RBBP8: variants seen among roughly 807,000 people sequenced by gnomAD.
The protein encoded by RBBP8 is RB binding protein 8, endonuclease, also known as DNA endonuclease RBBP8.
RBBP8 carries 88 observed loss-of-function variants against 108.3 expected under a neutral mutation model. That is an observed-to-expected ratio of 0.81 (90% CI 0.68 to 0.97). The LOEUF (loss-of-function observed/expected upper bound fraction) is 0.97. Among genes scored for constraint, RBBP8 ranks in the 50% least tolerant of loss-of-function variants. The pLI is 0.00. For missense variants in RBBP8, 1,023 were observed against 1,049.0 expected, an observed-to-expected ratio of 0.98 and a Z score of 0.34; for synonymous variants, 332 against 348.2, an observed-to-expected ratio of 0.95 and a Z score of 0.52.
chr18:22,920,842 T>C (rs1598619211), intron 3 of RBBP8: 2 of 152,168 alleles, frequency 1.3e-5, no homozygotes, highest in East Asian at 3.8e-4. Context: ...TGGTAGATCC[T>C]AGGAGAGCAG....
At position 22,990,438 on chromosome 18, in the gene RBBP8, A is replaced by G. The variant is rs79666767; in HGVS notation, c.808-499A>G. Among the ~76,000 whole-genome samples the G allele has an allele frequency of 7.6e-3, 1,151 of 152,266 alleles. 12 individuals carry two copies. The highest frequency in any genetic ancestry group is 0.026 in the African/African-American group (1,097 of 41,552). ...CCTCATCTTAATGTTGTTTTTTGGA[A>G]TTGGAGTTTTATATACAAGGAGTAG... On this transcript the variant is annotated intron_variant, in intron 9 of 18. Coordinates refer to ENST00000327155, the MANE Select transcript of RBBP8 (RefSeq NM_002894.3).
chr18:22,925,504 A>C (rs531027865), intron 3 of RBBP8, among the ~76,000 whole-genome samples: 1 of 152,366 alleles, frequency 6.6e-6, no homozygotes, highest in East Asian at 1.9e-4. Flanking sequence ...TAAAGACCAA[A>C]AAAAGACAGT....
chr18:23,013,539 A>G (rs1459080285), intron 16 of RBBP8, among the ~76,000 whole-genome samples: 1 of 152,214 alleles, frequency 6.6e-6, no homozygotes, highest in African/African-American at 2.4e-5. Context: ...AATTGAGGTT[A>G]GAAATCCCAT....
intron 9 of RBBP8, among the ~76,000 whole-genome samples, chr18:22,990,703 T>C (rs1265672887): frequency 6.6e-6 from 1 of 152,198 alleles, no homozygotes; most frequent in Admixed American, 6.5e-5. Context: ...CCTCCCCTCA[T>C]TCTTCCACCT....
intron 15 of RBBP8, among the ~76,000 whole-genome samples, chr18:23,005,014 T>C (rs1187334988): frequency 2.0e-5 from 3 of 151,944 alleles, no homozygotes; most frequent in African/African-American, 4.8e-5. Context: ...TACAAAACAT[T>C]AGCCGGGTGT....
At position 22,972,797 on chromosome 18, in the gene RBBP8, G is replaced by A. The variant is rs374567233; in HGVS notation, c.362-2356G>A. Among the ~76,000 whole-genome samples, 725 of 152,158 alleles carry A rather than the reference G, an allele frequency of 4.8e-3. 3 individuals carry two copies. The highest frequency in any genetic ancestry group is 0.017 in the African/African-American group (699 of 41,510). ...TTCTGTATAGTTTTGGGGTTTTTTA[G>A]CCCTACAAGCTAGATATTTTTTTAA... On this transcript the variant is annotated intron_variant, in intron 5 of 18. Coordinates refer to ENST00000327155, the MANE Select transcript of RBBP8 (RefSeq NM_002894.3).
At position 22,947,147 on chromosome 18, in the gene RBBP8, A is replaced by G. The variant is rs77958156; in HGVS notation, c.152+661A>G. ...CTGAGAAATTTAGAAATTCTGGAAT[A>G]TAGACTATTCACCTTCAGATAAACT... On this transcript the variant is annotated intron_variant, in intron 3 of 18. Transcript: ENST00000327155. Among the ~76,000 whole-genome samples, 258 of 152,254 alleles carry G rather than the reference A, an allele frequency of 1.7e-3. 2 individuals carry two copies. The highest frequency in any genetic ancestry group is 5.9e-3 in the African/African-American group (245 of 41,570).
At chr18:23,018,897 A>G (rs749950702) in intron 17 of RBBP8, among the ~76,000 whole-genome samples, 1 of 152,182 alleles carries the variant, frequency 6.6e-6, no homozygotes, top group Admixed American at 6.5e-5. Flanking sequence ...GCCCTCAGCA[A>G]TTTACTTCCC....
chr18:23,008,545 G>C (rs780037289), intron 16 of RBBP8, among the ~76,000 whole-genome samples: 111 of 152,162 alleles, frequency 7.3e-4, no homozygotes, highest in South Asian at 1.2e-3. Context: ...ATTATCCTTA[G>C]AGATACCCAG....
intron 16 of RBBP8, among the ~76,000 whole-genome samples, chr18:23,009,525 TTA>T (rs535005317): frequency 5.4e-5 from 8 of 148,176 alleles, no homozygotes; most frequent in South Asian, 2.1e-4. Context: ...ATAATGTATT[TTA>T]TATATATATA....
intron 8 of RBBP8, among the ~76,000 whole-genome samples, chr18:22,988,512 T>C (rs1411555671): frequency 6.6e-6 from 1 of 152,208 alleles, no homozygotes; most frequent in Admixed American, 6.5e-5. Context: ...CTTCCTTCTC[T>C]CGAGTCAGCT....
upstream of RBBP8, among the ~76,000 whole-genome samples, chr18:22,929,678 G>A (rs960173513): frequency 2.0e-5 from 3 of 151,962 alleles, no homozygotes; most frequent in African/African-American, 4.8e-5. Context: ...CACCCTATCT[G>A]GCCTCAGGTT....
At chr18:22,936,726 T>C (rs901258373) in intron 1 of RBBP8, 28 bp from the exon 2 acceptor site, 3 of 1,041,760 alleles carry the variant, frequency 2.9e-6, no homozygotes, top group Non-Finnish European at 4.4e-6. Context: ...AATGCAAAGT[T>C]CATTTATGTT....
chr18:22,997,859 A>C, intron 14 of RBBP8, 125 bp downstream of exon 14: 3 of 726,098 alleles, frequency 4.1e-6, no homozygotes, highest in Non-Finnish European at 7.5e-6. Context: ...TGCTCTGTTA[A>C]CTTTATGTTC....
intron 6 of RBBP8, among the ~76,000 whole-genome samples, chr18:22,978,949 A>G (rs142550668): frequency 1.0e-3 from 158 of 152,346 alleles, no homozygotes; most frequent in African/African-American, 3.5e-3. Flanking sequence ...CCCAGTAAGT[A>G]GATACAATTA....
intron 17 of RBBP8, among the ~76,000 whole-genome samples, chr18:23,017,202 A>G (rs2046271385): frequency 1.3e-5 from 2 of 151,872 alleles, no homozygotes; most frequent in South Asian, 4.2e-4. Flanking sequence ...TAAAAATACA[A>G]AAGTAAGCTG....
At position 22,992,499 on chromosome 18, in the gene RBBP8, G is replaced by T. The variant is rs1006122307; in HGVS notation, c.921-249G>T. ...GCATGAGCCACTGCGCCTGGCAAAAGATGATTTTTTGTATAATAAAGTTAT... is the reference window on the plus strand; with the variant it reads ...GCATGAGCCACTGCGCCTGGCAAAATATGATTTTTTGTATAATAAAGTTAT... On this transcript the variant is annotated intron_variant, in intron 10 of 18. Coordinates refer to ENST00000327155, the MANE Select transcript of RBBP8 (RefSeq NM_002894.3). 2.6e-5 allele frequency among the ~76,000 whole-genome samples: 4 copies of T among 152,106 alleles called. No homozygotes were observed. The East Asian group carries it at 5.8e-4, about 22-fold the overall frequency.
upstream of RBBP8, among the ~76,000 whole-genome samples, chr18:22,932,937 C>T (rs895289285): frequency 2.6e-5 from 4 of 152,236 alleles, no homozygotes; most frequent in African/African-American, 9.6e-5. Flanking sequence ...CTGCAGATAA[C>T]AGCGACAAGG....
intron 9 of RBBP8, 42 bp from the exon 10 acceptor site, chr18:22,990,895 A>G: frequency 6.9e-7 from 1 of 1,447,402 alleles, no homozygotes; most frequent in Non-Finnish European, 9.7e-7. Context: ...AAGAATGAAC[A>G]AATCCCATTA....
Sources: gnomAD v4.1 joint callset for allele counts (sites outside exome capture counted in the v4.1 genomes callset) on GRCh38, gnomAD v4.1.1 for gene constraint, MANE v1.5 for transcripts, NCBI Gene and HGNC (gene_info 2026-07-23, HGNC 2026-07-21) for gene names.